The following NGEF variants were observed in gnomAD, a reference collection of about 807,000 sequenced individuals.
The protein encoded by NGEF is neuronal guanine nucleotide exchange factor, also known as ephexin-1.
Under a neutral mutation model 80.9 loss-of-function variants are expected in NGEF, and 31 were observed. That is an observed-to-expected ratio of 0.38 (90% CI 0.29 to 0.52). The LOEUF is 0.52. Ranked by LOEUF, NGEF falls within the 20% of genes least tolerant of loss-of-function variation. The pLI, the probability that NGEF is intolerant of heterozygous loss-of-function variation, is 0.84. For missense variants in NGEF, 709 were observed against 926.2 expected, an observed-to-expected ratio of 0.77 and a Z score of 3.04; for synonymous variants, 371 against 370.2, an observed-to-expected ratio of 1.00 and a Z score of -0.03.
At chr2:232,903,536 T>A (rs1692415938) in intron 5 of NGEF, among the ~76,000 whole-genome samples, 1 of 152,172 alleles carries the variant, frequency 6.6e-6, no homozygotes, top group African/African-American at 2.4e-5. Context: ...GAGAGTCCTT[T>A]TGCACCTTTT....
chr2:232,897,640 C>T (rs1378247725), intron 5 of NGEF, among the ~76,000 whole-genome samples: 1 of 152,212 alleles, frequency 6.6e-6, no homozygotes, highest in African/African-American at 2.4e-5. Flanking sequence ...ATTGATGTCA[C>T]TCCAGGGCCA....
At chr2:232,898,860 G>A (rs554275134) in intron 5 of NGEF, among the ~76,000 whole-genome samples, 4 of 152,334 alleles carry the variant, frequency 2.6e-5, no homozygotes, top group African/African-American at 9.6e-5. Flanking sequence ...ATAGACATAC[G>A]CGAGTCAGGG....
At chr2:232,885,114 A>G in intron 10 of NGEF, 166 bp downstream of exon 10, 1 of 617,566 alleles carries the variant, frequency 1.6e-6, no homozygotes, top group Non-Finnish European at 2.9e-6. Flanking sequence ...GCCTGGTGGC[A>G]GGCGGGGTGG....
intron 3 of NGEF, among the ~76,000 whole-genome samples, chr2:232,942,760 T>A (rs1693462427): frequency 6.9e-6 from 1 of 144,216 alleles, no homozygotes. Flanking sequence ...TCATCCCAGC[T>A]ACTTGGGAGG....
chr2:232,994,031 C>T (rs926545365), intron 1 of NGEF, among the ~76,000 whole-genome samples: 1 of 152,072 alleles, frequency 6.6e-6, no homozygotes, highest in Non-Finnish European at 1.5e-5. Flanking sequence ...TTGAGTTGTA[C>T]ACCATAAATG....
intron 9 of NGEF, chr2:232,885,613 A>C (rs1691652423): frequency 1.9e-6 from 1 of 528,364 alleles, no homozygotes; most frequent in Middle Eastern, 5.3e-4. Context: ...CCTTGCTAGG[A>C]AGCAAACTCC....
chr2:232,897,890 G>A (rs1322778334), intron 5 of NGEF, among the ~76,000 whole-genome samples: 4 of 152,150 alleles, frequency 2.6e-5, no homozygotes, highest in African/African-American at 7.2e-5. Context: ...AAATGAGCCT[G>A]TGGCCTCTCC....
chr2:232,926,724 CG>C (rs1489655362), intron 4 of NGEF, among the ~76,000 whole-genome samples: 3 of 152,176 alleles, frequency 2.0e-5, no homozygotes, highest in Admixed American at 1.3e-4. Flanking sequence ...AGCTCAGCCG[CG>C]CTGCTTCATC....
rs1693303857 is a variant in NGEF, at chr2:232,935,152, AT to A, written c.384-7967del. 7.2e-5 allele frequency among the ~76,000 whole-genome samples: 11 copies of A among 152,318 alleles called. No homozygotes were observed. The South Asian group carries it at 2.3e-3, about 32-fold the overall frequency. On this transcript the variant is annotated intron_variant, in intron 3 of 14. Transcript: ENST00000264051. ...AAGCTAAACATTGGAAGCAAAGTGCATTCTTATTTACATACTAAATTCAGCC... is the reference window on the plus strand; with the variant it reads ...AAGCTAAACATTGGAAGCAAAGTGCATCTTATTTACATACTAAATTCAGCC...
At chr2:233,004,924 C>T (rs1192352298) in intron 1 of NGEF, among the ~76,000 whole-genome samples, 1 of 152,104 alleles carries the variant, frequency 6.6e-6, no homozygotes, top group Non-Finnish European at 1.5e-5. Context: ...TGCAATATAT[C>T]CATGTAACAA....
rs138155175 is a variant in NGEF at position 232,965,680 on chromosome 2, A to G, written c.383+4534T>C. On this transcript the variant is annotated intron_variant, in intron 3 of 14. Coordinates refer to ENST00000264051, the MANE Select transcript of NGEF (RefSeq NM_019850.3). ...CAAAGCCCTCTGAACCTGACAGCTC[A>G]TCGGAGGCTTTTGTCTAGAAAATGT... Among the ~76,000 whole-genome samples the G allele has an allele frequency of 3.9e-4, 60 of 152,312 alleles. 2 individuals carry two copies. The highest frequency in any genetic ancestry group is 1.4e-3 in the African/African-American group (58 of 41,564).
rs183333523 is a variant in NGEF at position 232,951,121 on chromosome 2, C to T, written c.383+19093G>A. On this transcript the variant is annotated intron_variant, in intron 3 of 14. Transcript: ENST00000264051. ...GGAAAGGTGTGAAGACAACCAGTGC[C>T]ACTGCCCCATTTTGTGAGTGTGGCA... Among the ~76,000 whole-genome samples, 207 of 152,300 alleles carry T rather than the reference C, an allele frequency of 1.4e-3. 1 individual carries two copies. Among genetic ancestry groups the T allele is most frequent in the African/African-American group, 5.0e-3 (206 of 41,560 alleles).
chr2:233,004,879 T>C (rs1000697434), intron 1 of NGEF, among the ~76,000 whole-genome samples: 2 of 152,060 alleles, frequency 1.3e-5, no homozygotes, highest in African/African-American at 4.8e-5. Context: ...AAAATTTGGG[T>C]GATGGTTACA....
intron 1 of NGEF, among the ~76,000 whole-genome samples, chr2:232,998,793 C>T (rs1427909972): frequency 5.9e-5 from 9 of 152,156 alleles, no homozygotes; most frequent in African/African-American, 2.2e-4. Flanking sequence ...GGTGTTCCCT[C>T]CCAGCATGTC....
intron 10 of NGEF, among the ~76,000 whole-genome samples, chr2:232,884,355 AGTGTGCTATGCGTGT>A (rs1331214998): frequency 6.6e-6 from 1 of 151,944 alleles, no homozygotes; most frequent in African/African-American, 2.4e-5. Flanking sequence ...TGTGGGCATG[AGTGTGCTATGCGTGT>A]GTGTGCTGTG....
intron 3 of NGEF, among the ~76,000 whole-genome samples, chr2:232,938,424 G>A (rs1225149424): frequency 6.6e-6 from 1 of 152,182 alleles, no homozygotes; most frequent in Non-Finnish European, 1.5e-5. Context: ...ATGCTTGTGT[G>A]TTTATCTGAA....
rs561608636 is a variant in NGEF at position 232,959,727 on chromosome 2, G to A, written c.383+10487C>T. 1.7e-4 allele frequency among the ~76,000 whole-genome samples: 26 copies of A among 152,094 alleles called. 1 individual carries two copies. The highest frequency in any genetic ancestry group is 5.3e-4 in the African/African-American group (22 of 41,496). ...CCCGAGTAGCTGGGATTACAGGCAC[G>A]CGCCACCATGCCTGGCTAATTTTGT... is the stretch of plus-strand genomic sequence containing the variant. On this transcript the variant is annotated intron_variant, in intron 3 of 14. Coordinates refer to ENST00000264051, the MANE Select transcript of NGEF (RefSeq NM_019850.3).
chr2:232,888,196 A>C, intron 8 of NGEF, 89 bp from the exon 9 acceptor site: 1 of 906,926 alleles, frequency 1.1e-6, no homozygotes, highest in South Asian at 1.6e-5. Flanking sequence ...TCCCTACTGC[A>C]CCAGTCCAGC....
intron 5 of NGEF, among the ~76,000 whole-genome samples, chr2:232,917,410 T>A (rs1021337530): frequency 6.6e-6 from 1 of 152,180 alleles, no homozygotes; most frequent in Admixed American, 6.5e-5. Flanking sequence ...ATTTGCATTG[T>A]TTGTATTTTT....
Sources: allele counts gnomAD v4.1 joint callset (sites outside exome capture counted in the v4.1 genomes callset), GRCh38; gene constraint gnomAD v4.1.1; transcripts MANE v1.5; gene names NCBI Gene and HGNC (gene_info 2026-07-23, HGNC 2026-07-21).